The following BABAM2 variants were observed in gnomAD, a reference collection of about 807,000 sequenced individuals.
BABAM2 encodes the protein BRISC and BRCA1-A complex member 2.
Under a neutral mutation model 54.7 loss-of-function variants are expected in BABAM2, and 31 were observed. That is an observed-to-expected ratio of 0.57 (90% CI 0.43 to 0.77). The LOEUF is 0.77. BABAM2 is among the 30% of genes least tolerant of loss of function. BABAM2 has a pLI of 0.00. For missense variants in BABAM2, 364 were observed against 455.8 expected, an observed-to-expected ratio of 0.80 and a Z score of 1.83; for synonymous variants, 167 against 162.9, an observed-to-expected ratio of 1.03 and a Z score of -0.19.
intron 6 of BABAM2, among the ~76,000 whole-genome samples, chr2:28,046,197 G>A (rs990622139): frequency 4.6e-5 from 7 of 152,162 alleles, no homozygotes; most frequent in African/African-American, 1.4e-4. Flanking sequence ...GCTCATGCCT[G>A]TAATCCCAGC....
chr2:28,337,501 T>G (rs1217767262), intron 11 of BABAM2, among the ~76,000 whole-genome samples: 2 of 152,154 alleles, frequency 1.3e-5, no homozygotes, highest in African/African-American at 4.8e-5. Flanking sequence ...GGTGCACATC[T>G]GAGGTAGAAC....
chr2:28,074,465 A>G (rs907417138), intron 6 of BABAM2, among the ~76,000 whole-genome samples: 7 of 152,206 alleles, frequency 4.6e-5, no homozygotes, highest in African/African-American at 1.2e-4. Context: ...TATTCATTCA[A>G]CAGATACAGA....
intron 2 of BABAM2, among the ~76,000 whole-genome samples, chr2:27,906,845 CCT>C (rs1666220785): frequency 6.6e-6 from 1 of 152,072 alleles, no homozygotes; most frequent in Non-Finnish European, 1.5e-5. Context: ...TCTTTTGTCC[CCT>C]CTATTGTGTA....
chr2:27,894,965 G>GT (rs1164684888), intron 2 of BABAM2: 1 of 342,688 alleles, frequency 2.9e-6, no homozygotes, highest in African/African-American at 2.1e-5. Context: ...TTAAAAGTGT[G>GT]TTTTTCATTC....
At chr2:28,034,727 G>A (rs941551297) in intron 5 of BABAM2, among the ~76,000 whole-genome samples, 2 of 152,150 alleles carry the variant, frequency 1.3e-5, no homozygotes, top group African/African-American at 4.8e-5. Flanking sequence ...GGAAGGAAAG[G>A]CAATAGGTTT....
At chr2:28,074,615 T>A (rs1350247870) in intron 6 of BABAM2, among the ~76,000 whole-genome samples, 1 of 152,200 alleles carries the variant, frequency 6.6e-6, no homozygotes, top group Non-Finnish European at 1.5e-5. Context: ...CATGCCGTAT[T>A]ATACTGTTGA....
At chr2:28,057,496 T>G (rs895441198) in intron 6 of BABAM2, among the ~76,000 whole-genome samples, 3 of 145,116 alleles carry the variant, frequency 2.1e-5, no homozygotes, top group African/African-American at 7.6e-5. Flanking sequence ...CAGGTGACCA[T>G]TTTTTTTTTT....
intron 9 of BABAM2, among the ~76,000 whole-genome samples, chr2:28,243,006 TACAC>T (rs1016210321): frequency 5.9e-5 from 9 of 152,210 alleles, no homozygotes; most frequent in African/African-American, 2.2e-4. Context: ...CAAAATGTAG[TACAC>T]ACACCCCAGA....
chr2:28,063,847 A>G (rs938167545), intron 6 of BABAM2, among the ~76,000 whole-genome samples: 2 of 152,296 alleles, frequency 1.3e-5, no homozygotes, highest in South Asian at 2.1e-4. Flanking sequence ...TCATCCAGTA[A>G]GCCAGTAAGG....
intron 10 of BABAM2, among the ~76,000 whole-genome samples, chr2:28,259,029 C>T (rs1228252471): frequency 1.4e-5 from 2 of 143,806 alleles, no homozygotes; most frequent in Admixed American, 7.1e-5. Flanking sequence ...CCCACCTTGG[C>T]CTCCCAAAGT....
At position 28,274,965 on chromosome 2, in the gene BABAM2, G is replaced by T. The variant is rs1040464348; in HGVS notation, c.935-23373G>T. Among the ~76,000 whole-genome samples the T allele has an allele frequency of 3.9e-5, 6 of 152,274 alleles. No individual in the cohort carries two copies. The South Asian group carries it at 6.2e-4, about 16-fold the overall frequency. ...ATGCTCCAGTAGCTCCACTGCAGGGGGTGGCTGCTTACGAGGACAGAGAGC... is the reference window on the plus strand; with the variant it reads ...ATGCTCCAGTAGCTCCACTGCAGGGTGTGGCTGCTTACGAGGACAGAGAGC... On this transcript the variant is annotated intron_variant, in intron 10 of 11. Coordinates refer to ENST00000379624, the MANE Select transcript of BABAM2 (RefSeq NM_199191.3).
intron 4 of BABAM2, among the ~76,000 whole-genome samples, chr2:28,019,104 G>A (rs1675066057): frequency 6.6e-6 from 1 of 152,088 alleles, no homozygotes; most frequent in African/African-American, 2.4e-5. Context: ...TGCAGTGTTT[G>A]ATTTTCTGTT....
At chr2:28,056,524 G>A (rs1041070748) in intron 6 of BABAM2, among the ~76,000 whole-genome samples, 2 of 151,820 alleles carry the variant, frequency 1.3e-5, no homozygotes, top group African/African-American at 2.4e-5. Context: ...ATTTTAGAAT[G>A]TAGGTGTATC....
intron 7 of BABAM2, among the ~76,000 whole-genome samples, chr2:28,216,812 G>A (rs998919258): frequency 1.3e-5 from 2 of 152,066 alleles, no homozygotes; most frequent in Non-Finnish European, 2.9e-5. Context: ...TCATAATCTG[G>A]CCTTTTCCTG....
At chr2:28,189,030 G>A (rs1482869333) in intron 7 of BABAM2, among the ~76,000 whole-genome samples, 3 of 151,976 alleles carry the variant, frequency 2.0e-5, no homozygotes, top group African/African-American at 4.8e-5. Flanking sequence ...GTGAAACCCC[G>A]TCTCCACTAA....
intron 6 of BABAM2, among the ~76,000 whole-genome samples, chr2:28,046,206 G>T (rs916360026): frequency 2.0e-5 from 3 of 152,162 alleles, no homozygotes; most frequent in Admixed American, 2.0e-4. Context: ...TGTAATCCCA[G>T]CTTTTTGGGA....
chr2:27,958,732 T>A (rs1670267219), intron 3 of BABAM2, among the ~76,000 whole-genome samples: 1 of 152,042 alleles, frequency 6.6e-6, no homozygotes, highest in Non-Finnish European at 1.5e-5. Context: ...TAACAAATAC[T>A]CTTGTGAGGA....
At chr2:28,047,620 A>G (rs188299244) in intron 6 of BABAM2, among the ~76,000 whole-genome samples, 60 of 152,342 alleles carry the variant, frequency 3.9e-4, no homozygotes, top group Admixed American at 1.8e-3. Context: ...TAAGAATTCT[A>G]ACTTTATATG....
intron 7 of BABAM2, among the ~76,000 whole-genome samples, chr2:28,146,965 T>C (rs1671551082): frequency 6.6e-6 from 1 of 152,092 alleles, no homozygotes; most frequent in Admixed American, 6.6e-5. Flanking sequence ...CAGAAGAGAG[T>C]AGGGTCTGGA....
Sources: gnomAD v4.1 joint callset for allele counts (sites outside exome capture counted in the v4.1 genomes callset) on GRCh38, gnomAD v4.1.1 for gene constraint, MANE v1.5 for transcripts, NCBI Gene and HGNC (gene_info 2026-07-23, HGNC 2026-07-21) for gene names.